The following PLOD2 variants were observed in gnomAD, a reference collection of about 807,000 sequenced individuals.
The protein encoded by PLOD2 is procollagen-lysine,2-oxoglutarate 5-dioxygenase 2, also known as lysine hydroxylase 2.
In PLOD2, 65 loss-of-function variants were observed where a neutral mutation model predicts 101.0. The ratio of observed to expected loss-of-function variants is 0.64; its 90% CI spans 0.53 to 0.79. The LOEUF (loss-of-function observed/expected upper bound fraction) is 0.79. Among genes scored for constraint, PLOD2 ranks in the 30% least tolerant of loss-of-function variants. PLOD2 has a pLI of 0.00. For synonymous variants in PLOD2, 314 were observed against 302.9 expected (o/e 1.04, Z -0.38); for missense variants, 909 against 914.6 (o/e 0.99, Z 0.08).
rs534282595 is a variant in PLOD2 at position 146,084,826 on chromosome 3, C to T, written c.1232+343G>A. 3.9e-5 allele frequency among the ~76,000 whole-genome samples: 6 copies of T among 152,152 alleles called. No individual in the cohort carries two copies. In the East Asian group the frequency reaches 1.2e-3, roughly 29 times the overall value. On this transcript the variant is annotated intron_variant, in intron 11 of 19. Coordinates refer to ENST00000282903, the MANE Select transcript of PLOD2 (RefSeq NM_182943.3). The stretch of plus-strand genomic sequence containing the variant: ...CTCTGTATGCAATAACTATCTTGGT[C>T]AGAAGTTTTGTGAAATTCTACTTTA...
chr3:146,114,590 T>C (rs1285980822), intron 3 of PLOD2, among the ~76,000 whole-genome samples: 2 of 152,142 alleles, frequency 1.3e-5, no homozygotes, highest in African/African-American at 2.4e-5. Flanking sequence ...ATCATAAGCA[T>C]TGATCCAACA....
At chr3:146,112,539 C>A (rs1030623037) in intron 3 of PLOD2, among the ~76,000 whole-genome samples, 1 of 151,842 alleles carries the variant, frequency 6.6e-6, no homozygotes, top group Non-Finnish European at 1.5e-5. Flanking sequence ...AGGACAAATA[C>A]CTAATTCATG....
intron 1 of PLOD2, among the ~76,000 whole-genome samples, chr3:146,140,484 C>T (rs1416599964): frequency 5.3e-5 from 8 of 152,068 alleles, no homozygotes; most frequent in Non-Finnish European, 1.2e-4. Context: ...CAGAATTTCT[C>T]AAAGTAGAAG....
chr3:146,121,015 C>G (rs1283698484), intron 3 of PLOD2, 97 bp downstream of exon 3: 1 of 1,023,546 alleles, frequency 9.8e-7, no homozygotes, highest in African/African-American at 1.6e-5. Context: ...GCCACCGTGC[C>G]CAACCATATT....
intron 3 of PLOD2, among the ~76,000 whole-genome samples, chr3:146,113,261 C>T (rs1937733559): frequency 6.6e-6 from 1 of 152,110 alleles, no homozygotes; most frequent in Non-Finnish European, 1.5e-5. Context: ...GTTGCTGAAA[C>T]CTTTCCTATC....
At chr3:146,132,478 G>A (rs747578935) in intron 1 of PLOD2, among the ~76,000 whole-genome samples, 6 of 151,884 alleles carry the variant, frequency 4.0e-5, no homozygotes, top group Admixed American at 1.3e-4. Flanking sequence ...ATATGTGAAA[G>A]ACCAAGGTGC....
chr3:146,157,942 GTAAAT>G (rs2032380239), intron 1 of PLOD2, among the ~76,000 whole-genome samples: 1 of 152,144 alleles, frequency 6.6e-6, no homozygotes, highest in Non-Finnish European at 1.5e-5. Flanking sequence ...ATGTACCACA[GTAAAT>G]TAGAGAGTTT....
intron 1 of PLOD2, among the ~76,000 whole-genome samples, chr3:146,146,331 T>C (rs1031849209): frequency 6.6e-6 from 1 of 152,146 alleles, no homozygotes; most frequent in Admixed American, 6.6e-5. Flanking sequence ...GCTAAACATT[T>C]GGATGTAAAT....
Position 146,102,772 on chromosome 3 carries a change from C to A in PLOD2, c.760G>T (p.Gly254Ter). 1 of 1,588,742 alleles carries A rather than the reference C, an allele frequency of 6.3e-7. No homozygotes were observed. The highest frequency in any genetic ancestry group is 1.1e-5 in the South Asian group (1 of 90,552). Residue 254 changes from glycine (G) to a stop codon, truncating the protein, a stop_gained, in exon 7 of 20, where the codon GGA becomes TGA. Transcript: ENST00000282903. LOFTEE classifies it high-confidence loss of function. ...TTACTTACCTTGGTGGGTCCATTTC[C>A]ATTAATTGCCACTGGTAATGTTTCA... ...FYETLPVAIN[G>*]NGPTKILLNY...
chr3:146,143,882 C>T (rs71300382), intron 1 of PLOD2, among the ~76,000 whole-genome samples: 1 of 152,092 alleles, frequency 6.6e-6, no homozygotes, highest in Non-Finnish European at 1.5e-5. Flanking sequence ...CTCCAAGTAC[C>T]TAAGAGATCT....
intron 12 of PLOD2, among the ~76,000 whole-genome samples, chr3:146,080,511 T>TACACAC (rs113587025): frequency 6.6e-6 from 1 of 150,486 alleles, no homozygotes; most frequent in Non-Finnish European, 1.5e-5. Context: ...TTTCAACTTA[T>TACACAC]ACACACACAC....
At chr3:146,157,334 G>A (rs1358263707) in intron 1 of PLOD2, among the ~76,000 whole-genome samples, 1 of 152,090 alleles carries the variant, frequency 6.6e-6, no homozygotes, top group African/African-American at 2.4e-5. Flanking sequence ...AGGACCTATA[G>A]TACAAAGTAA....
intron 7 of PLOD2, among the ~76,000 whole-genome samples, chr3:146,097,608 G>C (rs1283455441): frequency 1.4e-4 from 17 of 117,566 alleles, no homozygotes; most frequent in Non-Finnish European, 2.1e-4. Context: ...CAGCATGCTC[G>C]TTAAGAGTCA....
chr3:146,127,424 G>A (rs574287016), intron 1 of PLOD2, among the ~76,000 whole-genome samples: 3 of 152,078 alleles, frequency 2.0e-5, no homozygotes, highest in Non-Finnish European at 4.4e-5. Flanking sequence ...GCGAGAACAC[G>A]TGGCATTCGG....
chr3:146,118,144 A>G (rs1023235432), intron 3 of PLOD2, among the ~76,000 whole-genome samples: 1 of 152,110 alleles, frequency 6.6e-6, no homozygotes, highest in African/African-American at 2.4e-5. Flanking sequence ...GTAATTTTAA[A>G]CCAAAACATA....
In PLOD2 at chr3:146,155,548, T is replaced by TAA. The variant is rs35423942; in HGVS notation, c.109+5331_109+5332dup. ...CAAGATGGTGAAACCCCATCTCTACTAAAAAAAAAATACAAAAATTAGCTG... is the reference window on the plus strand; with the variant it reads ...CAAGATGGTGAAACCCCATCTCTACTAAAAAAAAAAAATACAAAAATTAGCTG... On this transcript the variant is annotated intron_variant, in intron 1 of 19. Transcript: ENST00000282903. Among the ~76,000 whole-genome samples, 203 of 146,202 alleles carry TAA rather than the reference T, an allele frequency of 1.4e-3. 1 individual carries two copies. The highest frequency in any genetic ancestry group is 0.01 in the Middle Eastern group (3 of 288).
At position 146,142,964 on chromosome 3, in the gene PLOD2, A is replaced by G. The variant is rs574396576; in HGVS notation, c.109+17917T>C. 3.5e-4 allele frequency among the ~76,000 whole-genome samples: 53 copies of G among 152,248 alleles called. 2 individuals are homozygous for G. In the South Asian group the frequency reaches 0.011, roughly 32 times the overall value. On this transcript the variant is annotated intron_variant, in intron 1 of 19. Coordinates refer to ENST00000282903, the MANE Select transcript of PLOD2 (RefSeq NM_182943.3). ...TGTTCCCATCTTCCATGCTTTGGTTATAACACAATTTCTGTAAACTGAAAA... is the reference window on the plus strand; with the variant it reads ...TGTTCCCATCTTCCATGCTTTGGTTGTAACACAATTTCTGTAAACTGAAAA...
chr3:146,077,051 TA>T, intron 14 of PLOD2, 156 bp from the exon 15 acceptor site: 1 of 1,302,284 alleles, frequency 7.7e-7, no homozygotes, highest in South Asian at 2.0e-5. Flanking sequence ...TAGTTTAAAA[TA>T]AAAAACTCAA....
At chr3:146,126,092 G>A (rs990513654) in intron 1 of PLOD2, among the ~76,000 whole-genome samples, 6 of 152,158 alleles carry the variant, frequency 3.9e-5, no homozygotes, top group African/African-American at 1.2e-4. Flanking sequence ...AGACCCTTGA[G>A]TAGACAAAAA....
Sources: allele counts gnomAD v4.1 joint callset (sites outside exome capture counted in the v4.1 genomes callset), GRCh38; gene constraint gnomAD v4.1.1; transcripts MANE v1.5; gene names NCBI Gene and HGNC (gene_info 2026-07-23, HGNC 2026-07-21).